DCC: variants seen among roughly 807,000 people sequenced by gnomAD.
DCC encodes the protein DCC netrin 1 receptor.
In DCC, 58 loss-of-function variants were observed where a neutral mutation model predicts 172.5. That is an observed-to-expected ratio of 0.34 (90% confidence interval 0.27 to 0.42). The LOEUF (loss-of-function observed/expected upper bound fraction) is 0.42, where lower values mean the gene tolerates loss of function less well. Ranked by LOEUF, DCC falls within the 10% of genes least tolerant of loss-of-function variation. The pLI is 1.00. For missense variants in DCC, 1,740 were observed against 1,791.0 expected (o/e 0.97, Z 0.51); for synonymous variants, 709 against 644.5 (o/e 1.10, Z -1.52).
chr18:52,901,916 A>G (rs146149599), intron 2 of DCC, among the ~76,000 whole-genome samples: 1 of 152,232 alleles, frequency 6.6e-6, no homozygotes, highest in Non-Finnish European at 1.5e-5. Context: ...TTAACTTTTT[A>G]TAGTATCTGC....
intron 2 of DCC, among the ~76,000 whole-genome samples, chr18:52,863,478 A>G (rs1298762903): frequency 6.6e-6 from 1 of 151,780 alleles, no homozygotes; most frequent in African/African-American, 2.4e-5. Flanking sequence ...AGACCTACAT[A>G]ACTTTTGTTT....
chr18:52,373,888 A>ATTT (rs1296846491), intron 1 of DCC, among the ~76,000 whole-genome samples: 58 of 127,308 alleles, frequency 4.6e-4, no homozygotes, highest in East Asian at 6.7e-4. Context: ...TGGTTGCATC[A>ATTT]TTTTTTTTTT....
intron 2 of DCC, among the ~76,000 whole-genome samples, chr18:52,904,042 C>G (rs2156284): frequency 0.48 from 73,499 of 152,062 alleles, 18,482 homozygotes; most frequent in Non-Finnish European, 0.56. Context: ...ATAAAATTAG[C>G]CAAGTGGCTG....
chr18:53,493,475 G>C (rs2045982688), intron 26 of DCC, among the ~76,000 whole-genome samples: 1 of 152,000 alleles, frequency 6.6e-6, no homozygotes, highest in Admixed American at 6.6e-5. Context: ...GTTGTAAATA[G>C]CTCTTATTAT....
intron 2 of DCC, among the ~76,000 whole-genome samples, chr18:52,876,834 C>A (rs201658450): frequency 7.9e-6 from 1 of 125,874 alleles, no homozygotes; most frequent in Non-Finnish European, 1.9e-5. Context: ...TTGCCTCTGA[C>A]GTTTGCTTTT....
chr18:52,443,591 A>G (rs184331317), intron 1 of DCC, among the ~76,000 whole-genome samples: 91 of 152,334 alleles, frequency 6.0e-4, no homozygotes, highest in African/African-American at 2.1e-3. Flanking sequence ...AACAACACAC[A>G]TACAAGAAAG....
chr18:52,449,661 T>C (rs986475614), intron 1 of DCC, among the ~76,000 whole-genome samples: 1 of 152,228 alleles, frequency 6.6e-6, no homozygotes, highest in Non-Finnish European at 1.5e-5. Flanking sequence ...TGTACTCTGA[T>C]ATGGTTTGGG....
At chr18:52,490,554 G>T (rs2144602826) in intron 1 of DCC, among the ~76,000 whole-genome samples, 1 of 152,186 alleles carries the variant, frequency 6.6e-6, no homozygotes, top group Non-Finnish European at 1.5e-5. Flanking sequence ...CTAGAAACCA[G>T]GCACTTGCTT....
intron 12 of DCC, among the ~76,000 whole-genome samples, chr18:53,233,964 A>G (rs1006276569): frequency 1.3e-5 from 2 of 151,844 alleles, no homozygotes; most frequent in Non-Finnish European, 2.9e-5. Flanking sequence ...AAATACAAAA[A>G]TTAGGACCAG....
At chr18:53,359,873 A>T (rs2057925460) in intron 15 of DCC, among the ~76,000 whole-genome samples, 1 of 152,038 alleles carries the variant, frequency 6.6e-6, no homozygotes, top group South Asian at 2.1e-4. Flanking sequence ...GTGACCCCTG[A>T]CTTATCCATC....
At chr18:53,233,018 A>ACCATATTCCATATTCTG (rs2056146855) in intron 12 of DCC, among the ~76,000 whole-genome samples, 1 of 151,904 alleles carries the variant, frequency 6.6e-6, no homozygotes, top group African/African-American at 2.4e-5. Flanking sequence ...CAAGTGACTA[A>ACCATATTCCATATTCTG]CCATATTCTG....
intron 9 of DCC, among the ~76,000 whole-genome samples, chr18:53,181,407 ACTT>A (rs1450497640): frequency 2.1e-5 from 3 of 144,648 alleles, no homozygotes; most frequent in South Asian, 2.1e-4. Flanking sequence ...TTAAAATTTT[ACTT>A]CTTTTTTTTT....
intron 9 of DCC, among the ~76,000 whole-genome samples, chr18:53,181,469 G>GT (rs1008448519): frequency 4.1e-5 from 5 of 122,426 alleles, no homozygotes; most frequent in African/African-American, 1.6e-4. Context: ...AAGTATTTTC[G>GT]TTTTTGACAC....
At chr18:52,793,260 CAA>C (rs1361046041) in intron 2 of DCC, among the ~76,000 whole-genome samples, 3 of 152,150 alleles carry the variant, frequency 2.0e-5, no homozygotes, top group Non-Finnish European at 2.9e-5. Context: ...AAGTGGCTGA[CAA>C]AGAGAAGGGA....
At chr18:52,675,365 T>C (rs2035630086) in intron 1 of DCC, among the ~76,000 whole-genome samples, 1 of 152,124 alleles carries the variant, frequency 6.6e-6, no homozygotes, top group Admixed American at 6.6e-5. Flanking sequence ...TAATCCCAGG[T>C]CTTTGGATAA....
intron 11 of DCC, among the ~76,000 whole-genome samples, chr18:53,209,932 T>G (rs567669747): frequency 6.6e-6 from 1 of 152,338 alleles, no homozygotes; most frequent in Non-Finnish European, 1.5e-5. Context: ...AATGTTACAA[T>G]GTTTAGGACT....
At position 53,131,953 on chromosome 18, in the gene DCC, A is replaced by ATTTTTTTTTTTT. The variant is rs71175556; in HGVS notation, c.1262-25383_1262-25372dup. 5.5e-4 allele frequency among the ~76,000 whole-genome samples: 32 copies of ATTTTTTTTTTTT among 58,278 alleles called. 1 individual carries two copies. Among genetic ancestry groups the ATTTTTTTTTTTT allele is most frequent in the Admixed American group, 2.3e-3 (8 of 3,462 alleles). 38.2% of individuals were successfully genotyped at this position (58,278 alleles called of 152,430 possible). A position where few individuals can be genotyped will look rare whatever the true frequency, so the allele number is the denominator to read the frequency against. ...AACATGGTATCATTGTCTCTAAGTG[A>ATTTTTTTTTTTT]TTTTTTTTTTTTTTTTTTTTTTTTT... On this transcript the variant is annotated intron_variant, in intron 7 of 28. Transcript: ENST00000442544.
intron 7 of DCC, 86 bp from the exon 8 acceptor site, chr18:53,157,270 C>G (rs1165020463): frequency 2.6e-6 from 4 of 1,528,348 alleles, no homozygotes; most frequent in Non-Finnish European, 3.6e-6. Flanking sequence ...CATGGAGATG[C>G]TTGCTAATAG....
chr18:52,436,953 T>G lies in DCC; in HGVS notation c.91+96075T>G, dbSNP rs530798097. Among the ~76,000 whole-genome samples the G allele has an allele frequency of 3.8e-3, 577 of 152,212 alleles. 4 individuals are homozygous for G. The highest frequency in any genetic ancestry group is 0.013 in the African/African-American group (558 of 41,528). On this transcript the variant is annotated intron_variant, in intron 1 of 28. Coordinates refer to ENST00000442544, the MANE Select transcript of DCC (RefSeq NM_005215.4). Reference sequence around the variant, plus strand: ...GAAAACAAAAATTATCAGAACAACCTTCTGAGATAATTATTAAATTTCCCA... The same window carrying G: ...GAAAACAAAAATTATCAGAACAACCGTCTGAGATAATTATTAAATTTCCCA...
Sources: allele counts gnomAD v4.1 joint callset (sites outside exome capture counted in the v4.1 genomes callset), GRCh38; gene constraint gnomAD v4.1.1; transcripts MANE v1.5; gene names NCBI Gene and HGNC (gene_info 2026-07-23, HGNC 2026-07-21).